GSE1: variants seen among roughly 807,000 people sequenced by gnomAD.
The protein encoded by GSE1 is Gse1 coiled-coil protein.
In GSE1, 32 loss-of-function variants were observed where a neutral mutation model predicts 112.6. That is an observed-to-expected ratio of 0.28 (90% CI 0.21 to 0.38). The LOEUF (loss-of-function observed/expected upper bound fraction) is 0.38, where lower values mean the gene tolerates loss of function less well. GSE1 is among the 10% of genes least tolerant of loss of function. The pLI, the probability that GSE1 is intolerant of heterozygous loss-of-function variation, is 1.00. For missense variants in GSE1, 2,348 were observed against 1,699.2 expected, an observed-to-expected ratio of 1.38 and a Z score of -6.71; for synonymous variants, 1,115 against 735.6, an observed-to-expected ratio of 1.52 and a Z score of -8.35.
intron 1 of GSE1, among the ~76,000 whole-genome samples, chr16:85,331,631 GTATA>G (rs1270526520): frequency 2.4e-5 from 3 of 126,696 alleles, no homozygotes; most frequent in African/African-American, 8.6e-5. Context: ...GTATATATGT[GTATA>G]TATGTGTGTA....
chr16:85,377,735 C>T (rs2047451634), intron 2 of GSE1, among the ~76,000 whole-genome samples: 1 of 152,204 alleles, frequency 6.6e-6, no homozygotes, highest in South Asian at 2.1e-4. Flanking sequence ...CGGCACCAGG[C>T]CTAGCCCAGG....
At chr16:85,616,225 G>C (rs1260080103) in intron 1 of GSE1, among the ~76,000 whole-genome samples, 1 of 152,252 alleles carries the variant, frequency 6.6e-6, no homozygotes, top group Non-Finnish European at 1.5e-5. Context: ...AGCAGGTACT[G>C]TCTGTCCTCC....
upstream of GSE1, chr16:85,555,103 GAGCCGCCGCCGCCGCCGCCTTC>G (rs1024851066): frequency 8.5e-5 from 84 of 985,172 alleles, no homozygotes; most frequent in Middle Eastern, 5.2e-4. Context: ...GAGACGGAAG[GAGCCGCCGCCGCCGCCGCCTTC>G]AGCCGCCCGC....
chr16:85,444,361 G>T (rs1456526193), intron 2 of GSE1, among the ~76,000 whole-genome samples: 7 of 152,330 alleles, frequency 4.6e-5, no homozygotes, highest in African/African-American at 1.2e-4. Context: ...GCTCTGAAGG[G>T]CTTTGTCCAG....
At chr16:85,491,339 C>A (rs2051003437) in intron 2 of GSE1, among the ~76,000 whole-genome samples, 1 of 152,194 alleles carries the variant, frequency 6.6e-6, no homozygotes, top group South Asian at 2.1e-4. Flanking sequence ...CCACGAGGAA[C>A]AGTCCCTGCC....
chr16:85,558,329 C>T (rs577063504), intron 1 of GSE1, among the ~76,000 whole-genome samples: 44 of 152,322 alleles, frequency 2.9e-4, no homozygotes, highest in African/African-American at 9.4e-4. Context: ...GCCTTGGAGG[C>T]GCTCAGGACC....
intron 2 of GSE1, among the ~76,000 whole-genome samples, chr16:85,480,256 A>T (rs1462471186): frequency 6.6e-6 from 1 of 152,234 alleles, no homozygotes; most frequent in African/African-American, 2.4e-5. Context: ...TACCACTTGC[A>T]TGAGAGGCAG....
chr16:85,367,406 A>G (rs2047206729), intron 2 of GSE1, among the ~76,000 whole-genome samples: 1 of 152,376 alleles, frequency 6.6e-6, no homozygotes, highest in East Asian at 1.9e-4. Flanking sequence ...TGGGGGGCAT[A>G]GCAGGGCACA....
intron 2 of GSE1, among the ~76,000 whole-genome samples, chr16:85,435,147 A>AGAGGCCCAGGCAGGCT (rs1238495336): frequency 3.5e-5 from 5 of 144,190 alleles, no homozygotes; most frequent in Admixed American, 3.3e-4. Flanking sequence ...CAGGTCAGGC[A>AGAGGCCCAGGCAGGCT]GAGGCCCAGG....
intron 2 of GSE1, among the ~76,000 whole-genome samples, chr16:85,387,536 G>A (rs1414466327): frequency 6.6e-6 from 1 of 152,258 alleles, no homozygotes; most frequent in Non-Finnish European, 1.5e-5. Flanking sequence ...CCTCATTGGT[G>A]AGGCCCTCCA....
At chr16:85,605,766 G>C (rs902339442) in intron 1 of GSE1, among the ~76,000 whole-genome samples, 4 of 151,970 alleles carry the variant, frequency 2.6e-5, no homozygotes, top group Non-Finnish European at 5.9e-5. Flanking sequence ...GTTTTTAGAG[G>C]TAAGTGGTAG....
chr16:85,566,149 A>G (rs527458035), intron 1 of GSE1, among the ~76,000 whole-genome samples: 107 of 152,214 alleles, frequency 7.0e-4, no homozygotes, highest in Middle Eastern at 6.8e-3. Context: ...TGCAATTACC[A>G]TTTGGGTTGA....
At chr16:85,207,558 G>GGTCT in intron 1 of GSE1, among the ~76,000 whole-genome samples, 1 of 71,766 alleles carries the variant, frequency 1.4e-5, no homozygotes, top group African/African-American at 6.0e-5. Context: ...AGCGGCAGGA[G>GGTCT]ATCTTCTCAG....
chr16:85,616,402 G>A (rs2048374345), intron 1 of GSE1, among the ~76,000 whole-genome samples: 1 of 152,214 alleles, frequency 6.6e-6, no homozygotes, highest in Non-Finnish European at 1.5e-5. Flanking sequence ...GAGTCGGCTA[G>A]CAGGGCCGGT....
At chr16:85,226,761 GTGTGTGTGTGTGT>G (rs2075494084) in intron 1 of GSE1, among the ~76,000 whole-genome samples, 1 of 3,710 alleles carries the variant, frequency 2.7e-4, no homozygotes, top group South Asian at 0.022. Context: ...CTGGACTGGT[GTGTGTGTGTGTGT>G]GTGTGTGTGT....
Position 85,546,923 on chromosome 16 carries a change from G to C in GSE1, c.2465-86991G>C, listed in dbSNP as rs143745393. 2.5e-3 allele frequency among the ~76,000 whole-genome samples: 377 copies of C among 152,334 alleles called. 1 individual carries two copies. Among genetic ancestry groups the C allele is most frequent in the African/African-American group, 8.6e-3 (357 of 41,572 alleles). The stretch of plus-strand genomic sequence containing the variant: ...GCCACTTCCCCGGGCAGATGGCCAC[G>C]TCCGATGATCTCCGGGGGCCAGGCT... On this transcript the variant is annotated intron_variant, in intron 2 of 2. Transcript: ENST00000637419.
intron 2 of GSE1, among the ~76,000 whole-genome samples, chr16:85,480,002 C>G (rs1019713488): frequency 6.6e-6 from 1 of 152,212 alleles, no homozygotes; most frequent in Non-Finnish European, 1.5e-5. Context: ...GGCCACACAG[C>G]GGCCATGATG....
chr16:85,407,168 C>G (rs1418606936), intron 2 of GSE1, among the ~76,000 whole-genome samples: 1 of 1,372 alleles, frequency 7.3e-4, no homozygotes, highest in Non-Finnish European at 2.8e-3. Flanking sequence ...TACTCTCAGG[C>G]CCCCCTGGAT....
chr16:85,389,384 C>T (rs544755966), intron 2 of GSE1, among the ~76,000 whole-genome samples: 29 of 146,996 alleles, frequency 2.0e-4, no homozygotes, highest in African/African-American at 6.2e-4. Flanking sequence ...CACTTGAACC[C>T]GGGCGGGGGA....
Sources: allele counts gnomAD v4.1 joint callset (sites outside exome capture counted in the v4.1 genomes callset), GRCh38; gene constraint gnomAD v4.1.1; transcripts MANE v1.5; gene names NCBI Gene and HGNC (gene_info 2026-07-23, HGNC 2026-07-21).